SEM1: variants seen among roughly 807,000 people sequenced by gnomAD.
SEM1 encodes the protein 26S proteasome complex subunit SEM1.
A neutral mutation model predicts 12.7 loss-of-function variants in SEM1; 3 were observed. The observed-to-expected ratio is 0.24, with a 90% CI of 0.11 to 0.61. The LOEUF (loss-of-function observed/expected upper bound fraction) is 0.61. Ranked by LOEUF, SEM1 falls within the 20% of genes least tolerant of loss-of-function variation. The probability of loss-of-function intolerance (pLI) is 0.88; values close to 1 mark genes in which losing one functional copy is unlikely to be tolerated. For synonymous variants in SEM1, 30 were observed against 27.8 expected (o/e 1.08, Z -0.25); for missense variants, 59 against 81.3 (o/e 0.73, Z 1.06).
intron 2 of SEM1, among the ~76,000 whole-genome samples, chr7:96,531,421 A>C (rs1804637195): frequency 2.7e-5 from 4 of 146,324 alleles, no homozygotes; most frequent in Non-Finnish European, 4.4e-5. Context: ...ATATAAAAAA[A>C]AAAACAACAA....
At chr7:96,519,586 GAGGTGAGGGAACA>G (rs1804205726) in intron 2 of SEM1, among the ~76,000 whole-genome samples, 1 of 152,102 alleles carries the variant, frequency 6.6e-6, no homozygotes, top group African/African-American at 2.4e-5. Context: ...AGACTCGAAG[GAGGTGAGGGAACA>G]AGCCATGTTA....
intron 2 of SEM1, among the ~76,000 whole-genome samples, chr7:96,658,496 T>C (rs1809258017): frequency 6.8e-6 from 1 of 148,080 alleles, no homozygotes; most frequent in Non-Finnish European, 1.5e-5. Flanking sequence ...TAATTTGTTT[T>C]TCTATAAGCT....
chr7:96,601,261 G>T lies in SEM1; in HGVS notation c.170+93537C>A, dbSNP rs148491281. Among the ~76,000 whole-genome samples the T allele has an allele frequency of 3.2e-4, 48 of 152,276 alleles. 1 individual carries two copies. In the East Asian group the frequency reaches 7.7e-3, roughly 25 times the overall value. On this transcript the variant is annotated intron_variant and NMD_transcript_variant, in intron 2 of 3. Transcript: ENST00000466986. Reference sequence around the variant, plus strand: ...CTGCATTCATGGAACTTATATTCTAGCAGGGAGAGAAAAACAATAAATAAA... The same window carrying T: ...CTGCATTCATGGAACTTATATTCTATCAGGGAGAGAAAAACAATAAATAAA...
At chr7:96,559,277 C>G (rs1430298571) in intron 2 of SEM1, among the ~76,000 whole-genome samples, 1 of 152,088 alleles carries the variant, frequency 6.6e-6, no homozygotes, top group African/African-American at 2.4e-5. Context: ...TACTCCCACC[C>G]CCTAAACAAA....
intron 2 of SEM1, among the ~76,000 whole-genome samples, chr7:96,577,609 A>T (rs572553238): frequency 2.1e-4 from 32 of 152,116 alleles, no homozygotes; most frequent in Non-Finnish European, 4.3e-4. Context: ...GGATTTGGGG[A>T]TGGATTTCAA....
At chr7:96,704,597 C>T (rs1307104209) in intron 1 of SEM1, among the ~76,000 whole-genome samples, 2 of 152,116 alleles carry the variant, frequency 1.3e-5, no homozygotes, top group South Asian at 2.1e-4. Context: ...AGGTACTCTT[C>T]GAATCATTAT....
At chr7:96,644,495 G>C (rs1441352300) in intron 2 of SEM1, among the ~76,000 whole-genome samples, 1 of 152,088 alleles carries the variant, frequency 6.6e-6, no homozygotes, top group Non-Finnish European at 1.5e-5. Context: ...CAAGAGGTCA[G>C]GTCTCCTCCT....
At chr7:96,654,448 G>A (rs1809109376) in intron 2 of SEM1, among the ~76,000 whole-genome samples, 1 of 152,164 alleles carries the variant, frequency 6.6e-6, no homozygotes. Flanking sequence ...AAAGCTGTAG[G>A]CATTCATAGA....
At chr7:96,487,317 T>C (rs1346178305) in intron 1 of SEM1, among the ~76,000 whole-genome samples, 1 of 150,166 alleles carries the variant, frequency 6.7e-6, no homozygotes, top group Non-Finnish European at 1.5e-5. Context: ...TGCTATACTA[T>C]GAGTCTGAGG....
At chr7:96,525,999 A>G (rs1398883111) in intron 2 of SEM1, among the ~76,000 whole-genome samples, 2 of 152,098 alleles carry the variant, frequency 1.3e-5, no homozygotes, top group African/African-American at 2.4e-5. Flanking sequence ...GTATTCTAGT[A>G]TATTCACAGG....
intron 2 of SEM1, among the ~76,000 whole-genome samples, chr7:96,616,244 T>C (rs930924215): frequency 2.0e-5 from 3 of 152,204 alleles, no homozygotes; most frequent in African/African-American, 7.2e-5. Flanking sequence ...TTCTAACTGG[T>C]GTTTGATGGT....
chr7:96,508,993 CTTT>C (rs11438472), intron 2 of SEM1, among the ~76,000 whole-genome samples: 17 of 142,920 alleles, frequency 1.2e-4, no homozygotes, highest in African/African-American at 3.8e-4. Context: ...AGAAACACAA[CTTT>C]TTTTTTTTTT....
intron 3 of SEM1, among the ~76,000 whole-genome samples, chr7:96,506,359 A>G (rs886736573): frequency 6.6e-6 from 1 of 152,126 alleles, no homozygotes; most frequent in South Asian, 2.1e-4. Flanking sequence ...ATTGGTAAGA[A>G]TATGTTTGGA....
At chr7:96,531,336 A>G (rs1400809336) in intron 2 of SEM1, among the ~76,000 whole-genome samples, 1 of 151,790 alleles carries the variant, frequency 6.6e-6, no homozygotes, top group Non-Finnish European at 1.5e-5. Flanking sequence ...TCGGAAGCTG[A>G]GGCAGCAGGA....
At chr7:96,644,324 C>T (rs1307980836) in intron 2 of SEM1, among the ~76,000 whole-genome samples, 1 of 152,064 alleles carries the variant, frequency 6.6e-6, no homozygotes, top group Non-Finnish European at 1.5e-5. Context: ...ATTATCTTGA[C>T]CAAGTTCTAT....
chr7:96,643,940 T>G (rs1808704072), intron 2 of SEM1, among the ~76,000 whole-genome samples: 1 of 152,090 alleles, frequency 6.6e-6, no homozygotes, highest in Non-Finnish European at 1.5e-5. Context: ...TGCAAATATT[T>G]AAATCTCCAT....
rs1361922522 is a variant in SEM1 at position 96,709,795 on chromosome 7, A to G, written c.-32T>C. 7 of 1,609,858 alleles carry G rather than the reference A, an allele frequency of 4.3e-6. No homozygotes were observed. Among genetic ancestry groups the G allele is most frequent in the Non-Finnish European group, 5.1e-6 (6 of 1,176,808 alleles). On this transcript the variant is annotated 5_prime_UTR_variant, in exon 1 of 3. Transcript: ENST00000248566. ...TGTCCGCGCCCAACACCTCCCAGAT[A>G]AGCAGAAAAGTTGGAACCCTCACTC...
intron 2 of SEM1, among the ~76,000 whole-genome samples, chr7:96,626,014 A>T (rs1327852026): frequency 6.6e-6 from 1 of 152,218 alleles, no homozygotes; most frequent in Non-Finnish European, 1.5e-5. Flanking sequence ...TTTGTGTTGC[A>T]AACAATCCAA....
intron 2 of SEM1, among the ~76,000 whole-genome samples, chr7:96,691,895 C>T (rs973364956): frequency 2.0e-5 from 3 of 152,088 alleles, no homozygotes; most frequent in East Asian, 3.9e-4. Context: ...ACACCACTGG[C>T]AATGTGGCAA....
Sources: allele counts gnomAD v4.1 joint callset (sites outside exome capture counted in the v4.1 genomes callset), GRCh38; gene constraint gnomAD v4.1.1; transcripts MANE v1.5; gene names NCBI Gene and HGNC (gene_info 2026-07-23, HGNC 2026-07-21).